The following SEC23IP variants were observed in gnomAD, a reference collection of about 807,000 sequenced individuals.
SEC23IP encodes the protein SEC23-interacting protein.
A neutral mutation model predicts 113.4 loss-of-function variants in SEC23IP; 70 were observed. The ratio of observed to expected loss-of-function variants is 0.62; its 90% confidence interval spans 0.51 to 0.75. The LOEUF is 0.75. SEC23IP is among the 30% of genes least tolerant of loss of function. The pLI is 0.00. For missense variants in SEC23IP, 1,160 were observed against 1,204.9 expected, an observed-to-expected ratio of 0.96 and a Z score of 0.55; for synonymous variants, 398 against 421.0, an observed-to-expected ratio of 0.95 and a Z score of 0.67.
In SEC23IP at chr10:119,904,366, C is replaced by T. The variant is rs941988539; in HGVS notation, c.1101+89C>T. On this transcript the variant is annotated intron_variant, in intron 4 of 18. Transcript: ENST00000369075. ...GTAACATCATTCACAGTGGAGCGGA[C>T]TTTACTTACAAGACAGCTTGTTTTG... The T allele has an allele frequency of 1.7e-5, 20 of 1,151,380 alleles. No homozygotes were observed. In the Middle Eastern group the frequency reaches 3.1e-3, roughly 176 times the overall value. The allele number at this position is 1,151,380 out of a possible 1,614,324, so 71.3% of individuals were successfully genotyped here.
intron 18 of SEC23IP, among the ~76,000 whole-genome samples, chr10:119,939,754 G>C (rs1855905053): frequency 6.6e-6 from 1 of 152,200 alleles, no homozygotes; most frequent in East Asian, 1.9e-4. Context: ...TGAGTGCAGT[G>C]GCGCAATCTT....
chr10:119,934,934 C>T (rs978412302), intron 18 of SEC23IP, among the ~76,000 whole-genome samples: 12 of 152,118 alleles, frequency 7.9e-5, no homozygotes, highest in Admixed American at 2.0e-4. Flanking sequence ...GTTAGGAGTT[C>T]GAGACCAGCC....
chr10:119,942,412 C>T lies in SEC23IP; in HGVS notation c.*1847C>T, dbSNP rs182622952. 2.0e-5 allele frequency: 3 copies of T among 152,192 alleles called. No homozygotes were observed. Among genetic ancestry groups the T allele is most frequent in the African/African-American group, 4.8e-5 (2 of 41,520 alleles). The allele number at this position is 152,192 out of a possible 1,614,324, so 9.4% of individuals were successfully genotyped here. A position where few individuals can be genotyped will look rare whatever the true frequency, so the allele number is the denominator to read the frequency against. On this transcript the variant is annotated 3_prime_UTR_variant, in exon 19 of 19. Coordinates refer to ENST00000369075, the MANE Select transcript of SEC23IP (RefSeq NM_007190.4). ...TCTTAAAAACCAAAAAACAGTAGATCCCCTGAGGGTAGAGTCTTTATGTAT... is the reference window on the plus strand; with the variant it reads ...TCTTAAAAACCAAAAAACAGTAGATTCCCTGAGGGTAGAGTCTTTATGTAT...
At chr10:119,935,695 T>C (rs1564927353) in intron 18 of SEC23IP, among the ~76,000 whole-genome samples, 1 of 152,122 alleles carries the variant, frequency 6.6e-6, no homozygotes, top group Non-Finnish European at 1.5e-5. Flanking sequence ...TTTCCTCTAA[T>C]GGAAGGCAGA....
intron 11 of SEC23IP, among the ~76,000 whole-genome samples, chr10:119,920,600 T>A (rs1855221529): frequency 6.6e-6 from 1 of 152,246 alleles, no homozygotes; most frequent in Admixed American, 6.5e-5. Flanking sequence ...ATTCTATGTT[T>A]GGGACAGCAG....
At chr10:119,919,637 T>C in intron 11 of SEC23IP, 41 bp downstream of exon 11, 1 of 1,490,764 alleles carries the variant, frequency 6.7e-7, no homozygotes, top group Non-Finnish European at 9.0e-7. Flanking sequence ...GAAATTGTTT[T>C]TCTTGTGTAG....
Position 119,933,769 on chromosome 10 carries a change from C to A in SEC23IP, c.*2C>A. Reference sequence around the variant, plus strand: ...AGTCCAGAACAGCCCCAGCATTGATCAAACTTCAGTTTTACTGTGTGAGTT... The same window carrying A: ...AGTCCAGAACAGCCCCAGCATTGATAAAACTTCAGTTTTACTGTGTGAGTT... On this transcript the variant is annotated 3_prime_UTR_variant, in exon 18 of 19. Coordinates refer to ENST00000369075, the MANE Select transcript of SEC23IP (RefSeq NM_007190.4). 6.5e-7 allele frequency: 1 copy of A among 1,536,884 alleles called. No individual in the cohort carries two copies. Among genetic ancestry groups the A allele is most frequent in the South Asian group, 1.1e-5 (1 of 88,412 alleles).
intron 2 of SEC23IP, among the ~76,000 whole-genome samples, chr10:119,900,251 A>G (rs1006034230): frequency 5.3e-5 from 8 of 151,338 alleles, no homozygotes; most frequent in East Asian, 3.9e-4. Flanking sequence ...TAGAAATTAT[A>G]TATGTGTATG....
At chr10:119,927,022 C>T (rs1234189121) in intron 13 of SEC23IP, among the ~76,000 whole-genome samples, 1 of 152,120 alleles carries the variant, frequency 6.6e-6, no homozygotes, top group Non-Finnish European at 1.5e-5. Flanking sequence ...ACCTCAGCCT[C>T]CCAGGTAGCT....
chr10:119,935,280 G>C (rs1312179774), intron 18 of SEC23IP, among the ~76,000 whole-genome samples: 1 of 152,142 alleles, frequency 6.6e-6, no homozygotes, highest in African/African-American at 2.4e-5. Flanking sequence ...GGCTAACATG[G>C]TGAAACCCTG....
intron 18 of SEC23IP, among the ~76,000 whole-genome samples, chr10:119,934,651 G>A (rs1855716595): frequency 6.6e-6 from 1 of 152,198 alleles, no homozygotes; most frequent in African/African-American, 2.4e-5. Context: ...AAAATGCTGA[G>A]CTCTAAATTA....
chr10:119,894,055 C>T (rs1854190524), intron 1 of SEC23IP, among the ~76,000 whole-genome samples: 1 of 152,204 alleles, frequency 6.6e-6, no homozygotes, highest in South Asian at 2.1e-4. Flanking sequence ...TTTTACTTTA[C>T]CTCTCTGTGC....
chr10:119,909,715 A>G (rs1279280750), intron 5 of SEC23IP, among the ~76,000 whole-genome samples: 1 of 152,116 alleles, frequency 6.6e-6, no homozygotes, highest in Non-Finnish European at 1.5e-5. Flanking sequence ...TGGGAAACAA[A>G]GAGACTCTGT....
chr10:119,934,254 C>G (rs1564926553), intron 18 of SEC23IP, among the ~76,000 whole-genome samples: 1 of 152,222 alleles, frequency 6.6e-6, no homozygotes, highest in Non-Finnish European at 1.5e-5. Flanking sequence ...GATACCATAT[C>G]TACATTCACA....
At chr10:119,908,568 G>A (rs1854755765) in intron 4 of SEC23IP, among the ~76,000 whole-genome samples, 1 of 152,158 alleles carries the variant, frequency 6.6e-6, no homozygotes, top group African/African-American at 2.4e-5. Context: ...ATATGATGAT[G>A]GAGGCAAAGG....
intron 5 of SEC23IP, among the ~76,000 whole-genome samples, chr10:119,910,575 T>G (rs1854824244): frequency 6.6e-6 from 1 of 152,202 alleles, no homozygotes; most frequent in African/African-American, 2.4e-5. Flanking sequence ...AAAATAACAT[T>G]CATATGCCAA....
chr10:119,939,654 G>A (rs61867998), intron 18 of SEC23IP, among the ~76,000 whole-genome samples: 8,287 of 152,154 alleles, frequency 0.054, 419 homozygotes, highest in South Asian at 0.26. Flanking sequence ...CTGCCTGGGC[G>A]ACAGGGCGAG....
At chr10:119,939,087 T>C (rs1214935421) in intron 18 of SEC23IP, among the ~76,000 whole-genome samples, 1 of 152,008 alleles carries the variant, frequency 6.6e-6, no homozygotes, top group African/African-American at 2.4e-5. Flanking sequence ...GGCAGGCAGA[T>C]CGCTTGAGCT....
rs1461093428 is a variant in SEC23IP at position 119,942,833 on chromosome 10, T to A, written c.*2268T>A. On this transcript the variant is annotated 3_prime_UTR_variant, in exon 19 of 19. Transcript: ENST00000369075. ...CTTCTTGAATCCAACCAGACAAGCA[T>A]GTTTTCTCAAAACCACAGTATAAGA... 1 of 152,186 alleles carries A rather than the reference T, an allele frequency of 6.6e-6. No individual in the cohort carries two copies. The highest frequency in any genetic ancestry group is 1.5e-5 in the Non-Finnish European group (1 of 68,034). 9.4% of individuals were successfully genotyped at this position (152,186 alleles called of 1,614,324 possible).
Sources: allele counts gnomAD v4.1 joint callset (sites outside exome capture counted in the v4.1 genomes callset), GRCh38; gene constraint gnomAD v4.1.1; transcripts MANE v1.5; gene names NCBI Gene and HGNC (gene_info 2026-07-23, HGNC 2026-07-21).